The following UTRN variants were observed in gnomAD, a reference collection of about 807,000 sequenced individuals.
The protein encoded by UTRN is dystrophin-related protein 1.
Under a neutral mutation model 463.9 loss-of-function variants are expected in UTRN, and 283 were observed. The ratio of observed to expected loss-of-function variants is 0.61; its 90% CI spans 0.55 to 0.67. The LOEUF is 0.67. Ranked by LOEUF, UTRN falls within the 30% of genes least tolerant of loss-of-function variation. The pLI is 0.00. For missense variants in UTRN, 3,922 were observed against 4,084.3 expected, an observed-to-expected ratio of 0.96 and a Z score of 1.08; for synonymous variants, 1,442 against 1,431.5, an observed-to-expected ratio of 1.01 and a Z score of -0.17.
intron 57 of UTRN, among the ~76,000 whole-genome samples, chr6:144,756,204 A>G (rs947036712): frequency 1.3e-5 from 2 of 152,194 alleles, no homozygotes; most frequent in Non-Finnish European, 2.9e-5. Flanking sequence ...TTCAAAATGT[A>G]AAGCTATGTA....
chr6:144,591,755 T>G (rs1367067834), intron 51 of UTRN, among the ~76,000 whole-genome samples: 1 of 152,074 alleles, frequency 6.6e-6, no homozygotes, highest in Non-Finnish European at 1.5e-5. Context: ...AAAATCCGAA[T>G]TTAGTATTCT....
intron 37 of UTRN, among the ~76,000 whole-genome samples, chr6:144,515,081 T>C (rs1795499569): frequency 6.6e-6 from 1 of 152,168 alleles, no homozygotes; most frequent in African/African-American, 2.4e-5. Flanking sequence ...TTTGTGTTTT[T>C]TTTAGGAGAG....
intron 51 of UTRN, among the ~76,000 whole-genome samples, chr6:144,604,484 TA>T (rs1428217491): frequency 6.6e-6 from 1 of 152,236 alleles, no homozygotes; most frequent in Non-Finnish European, 1.5e-5. Flanking sequence ...GAGCTTTGTA[TA>T]AATGAATTAT....
chr6:144,438,708 A>G, intron 11 of UTRN, 37 bp from the exon 12 acceptor site: 2 of 1,607,880 alleles, frequency 1.2e-6, no homozygotes, highest in Non-Finnish European at 1.7e-6. Flanking sequence ...CAAAGGGAAA[A>G]GGCTTGTAGG....
chr6:144,572,519 G>A lies in UTRN; in HGVS notation c.7290-4580G>A, dbSNP rs1449927954. ...AGGTTTTAAGCCCCGCATGCATTAG[G>A]CATTTGTCCTAATGCTCTCCCTTCC... On this transcript the variant is annotated intron_variant, in intron 50 of 74. Coordinates refer to ENST00000367545, the MANE Select transcript of UTRN (RefSeq NM_007124.3). 3.3e-5 allele frequency among the ~76,000 whole-genome samples: 5 copies of A among 151,972 alleles called. No individual in the cohort carries two copies. In the South Asian group the frequency reaches 8.3e-4, roughly 25 times the overall value.
chr6:144,439,668 A>AT (rs1379658073), intron 12 of UTRN, among the ~76,000 whole-genome samples: 1 of 151,786 alleles, frequency 6.6e-6, no homozygotes, highest in African/African-American at 2.4e-5. Flanking sequence ...AATTTTTTGT[A>AT]TTTTTTGTAT....
chr6:144,836,509 C>T lies in UTRN; in HGVS notation c.10033C>T (p.Gln3345Ter). ...LEDHNKQLES[Q>*]LHRLRQLLEQ... ...AGATCACAATAAACAGCTGGAGTCT[C>T]AGCTCCACCGCCTCCGACAGCTGCT... is the stretch of plus-strand genomic sequence containing the variant. The change falls in exon 71 of 75, where the codon CAG (glutamine) becomes TAG (stop). Residue 3345 changes from glutamine (Q) to a stop codon, truncating the protein, a stop_gained. Coordinates refer to ENST00000367545, the MANE Select transcript of UTRN (RefSeq NM_007124.3). LOFTEE classifies it high-confidence loss of function. 2.5e-6 allele frequency: 4 copies of T among 1,613,844 alleles called. No individual in the cohort carries two copies. The highest frequency in any genetic ancestry group is 3.4e-6 in the Non-Finnish European group (4 of 1,179,946).
intron 46 of UTRN, 120 bp downstream of exon 46, chr6:144,542,990 T>A (rs1318583793): frequency 1.2e-6 from 1 of 818,270 alleles, no homozygotes; most frequent in Non-Finnish European, 1.9e-6. Context: ...CTTTATTTAA[T>A]CTACTTTCAA....
intron 2 of UTRN, among the ~76,000 whole-genome samples, chr6:144,303,701 G>A (rs1282578601): frequency 6.6e-6 from 1 of 152,142 alleles, no homozygotes; most frequent in Middle Eastern, 3.2e-3. Flanking sequence ...GTTTATTCAT[G>A]TCTATGCAGT....
chr6:144,323,890 G>C (rs572429237), intron 2 of UTRN, among the ~76,000 whole-genome samples: 188 of 152,296 alleles, frequency 1.2e-3, no homozygotes, highest in Non-Finnish European at 2.3e-3. Context: ...GGTAGCCAAA[G>C]ACAATTTTAC....
At position 144,437,600 on chromosome 6, in the gene UTRN, T is replaced by C; in HGVS notation, c.1095T>C (p.Ser365=). Residue 365 remains serine (S), a synonymous_variant, in exon 11 of 75, where the codon AGT becomes AGC. Transcript: ENST00000367545. ...FMMELTAHQS[S]VGSVLQAGNQ... ...TGGAACTGACTGCACACCAGAGCAG[T>C]GTGGGCAGCGTCCTGCAGGCAGGCA... 6.2e-7 allele frequency: 1 copy of C among 1,613,776 alleles called. No individual in the cohort carries two copies. Among genetic ancestry groups the C allele is most frequent in the South Asian group, 1.1e-5 (1 of 91,034 alleles).
In UTRN at chr6:144,291,848, A is replaced by T. The variant is rs771346101; in HGVS notation, c.20A>T (p.His7Leu). 9 of 1,613,624 alleles carry T rather than the reference A, an allele frequency of 5.6e-6. No homozygotes were observed. Among genetic ancestry groups the T allele is most frequent in the Middle Eastern group, 1.7e-4 (1 of 6,060 alleles). Residue 7 changes from histidine (H) to leucine (L), a missense_variant, in exon 2 of 75, where the codon CAT becomes CTT. By Grantham distance (99) the His-to-Leu change is moderately conservative. Transcript: ENST00000367545. ...GGCAAGATGGCCAAGTATGGAGAAC[A>T]TGAAGCCAGTCCTGACAATGGGCAG... Reference protein sequence around the residue: MAKYGEHEASPDNGQNE... With the variant: MAKYGELEASPDNGQNE...
chr6:144,413,503 G>A (rs1014722717), intron 3 of UTRN, among the ~76,000 whole-genome samples: 6 of 152,142 alleles, frequency 3.9e-5, no homozygotes, highest in African/African-American at 9.7e-5. Context: ...GATCTCATGA[G>A]ACTTGTTCAC....
chr6:144,374,810 G>T (rs1780310388), intron 2 of UTRN, among the ~76,000 whole-genome samples: 1 of 151,676 alleles, frequency 6.6e-6, no homozygotes, highest in African/African-American at 2.4e-5. Context: ...ACTGGGTGTG[G>T]TGGCCTGCGC....
chr6:144,600,570 G>C (rs1804140626), intron 51 of UTRN, among the ~76,000 whole-genome samples: 1 of 152,238 alleles, frequency 6.6e-6, no homozygotes, highest in South Asian at 2.1e-4. Context: ...AAGGCTGAGA[G>C]AGTTAAGGAA....
intron 53 of UTRN, among the ~76,000 whole-genome samples, chr6:144,729,188 G>A (rs1320135359): frequency 6.6e-6 from 1 of 152,106 alleles, no homozygotes; most frequent in Non-Finnish European, 1.5e-5. Context: ...TCTGGATATA[G>A]AAAATGTAGC....
chr6:144,526,850 G>A (rs1279724635), intron 41 of UTRN, among the ~76,000 whole-genome samples: 1 of 151,428 alleles, frequency 6.6e-6, no homozygotes, highest in African/African-American at 2.4e-5. Flanking sequence ...AGGCTGGAGT[G>A]CAGTGGCATG....
chr6:144,532,709 A>G (rs946203194), intron 42 of UTRN, among the ~76,000 whole-genome samples: 6 of 152,240 alleles, frequency 3.9e-5, no homozygotes, highest in Non-Finnish European at 8.8e-5. Flanking sequence ...ATTGGGGTAT[A>G]TAATTTTTTA....
At chr6:144,400,265 T>C (rs992272055) in intron 2 of UTRN, among the ~76,000 whole-genome samples, 1 of 152,204 alleles carries the variant, frequency 6.6e-6, no homozygotes, top group Non-Finnish European at 1.5e-5. Context: ...CAAGTTATAG[T>C]ATGTTTGTTG....
Sources: allele counts gnomAD v4.1 joint callset (sites outside exome capture counted in the v4.1 genomes callset), GRCh38; gene constraint gnomAD v4.1.1; transcripts MANE v1.5; gene names NCBI Gene and HGNC (gene_info 2026-07-23, HGNC 2026-07-21).